Variants in CSMD1 observed in about 807,000 individuals in gnomAD.
The protein encoded by CSMD1 is CUB and Sushi multiple domains 1.
Under a neutral mutation model 417.5 loss-of-function variants are expected in CSMD1, and 213 were observed. That is an observed-to-expected ratio of 0.51 (90% CI 0.46 to 0.57). CSMD1 has a LOEUF of 0.57. Among genes scored for constraint, CSMD1 ranks in the 20% least tolerant of loss-of-function variants. CSMD1 has a pLI of 0.00. For synonymous variants in CSMD1, 2,862 were observed against 1,736.8 expected (o/e 1.65, Z -16.11); for missense variants, 6,923 against 4,529.7 (o/e 1.53, Z -15.17).
At chr8:3,254,920 G>C (rs993857590) in intron 26 of CSMD1, among the ~76,000 whole-genome samples, 3 of 152,168 alleles carry the variant, frequency 2.0e-5, no homozygotes, top group African/African-American at 7.2e-5. Context: ...GTGAGGAGCT[G>C]ATTTCCTTTG....
intron 6 of CSMD1, among the ~76,000 whole-genome samples, chr8:3,746,430 G>T (rs1265515393): frequency 6.6e-6 from 1 of 152,174 alleles, no homozygotes; most frequent in East Asian, 1.9e-4. Flanking sequence ...AAAGTTTAGA[G>T]AAAGGAAGGA....
In CSMD1 at chr8:3,151,473, G is replaced by T; in HGVS notation, c.5955C>A (p.Ile1985=). 6.2e-7 allele frequency: 1 copy of T among 1,613,746 alleles called. No homozygotes were observed. Among genetic ancestry groups the T allele is most frequent in the African/African-American group, 1.3e-5 (1 of 75,046 alleles). Residue 1985 remains isoleucine (I), a synonymous_variant, in exon 40 of 70, where the codon ATC becomes ATA. Transcript: ENST00000635120. ...GGTLSTLGGV[I]LSPGFPGSYP... Reference sequence around the variant, plus strand: ...AAGAACCTGGGAAGCCGGGGCTCAGGATCACACCACCCAAGGTGCTCAGCG... The same window carrying T: ...AAGAACCTGGGAAGCCGGGGCTCAGTATCACACCACCCAAGGTGCTCAGCG...
intron 1 of CSMD1, among the ~76,000 whole-genome samples, chr8:4,809,697 T>C (rs149068690): frequency 1.5e-4 from 23 of 152,370 alleles, no homozygotes; most frequent in Non-Finnish European, 2.5e-4. Context: ...GTTTGATATC[T>C]AGCCTAGCAT....
At chr8:4,797,942 A>G (rs1406195167) in intron 1 of CSMD1, among the ~76,000 whole-genome samples, 1 of 152,242 alleles carries the variant, frequency 6.6e-6, no homozygotes, top group Non-Finnish European at 1.5e-5. Flanking sequence ...ATGAAGACAT[A>G]CATATGTGCC....
At chr8:3,714,066 A>C (rs1219677409) in intron 6 of CSMD1, among the ~76,000 whole-genome samples, 2 of 150,140 alleles carry the variant, frequency 1.3e-5, no homozygotes, top group African/African-American at 2.4e-5. Flanking sequence ...ATAGATGTCC[A>C]CATACACACA....
intron 2 of CSMD1, among the ~76,000 whole-genome samples, chr8:4,583,956 T>C (rs953205136): frequency 6.6e-6 from 1 of 151,900 alleles, no homozygotes; most frequent in African/African-American, 2.4e-5. Flanking sequence ...AGTCTGCAGC[T>C]TCACTCCTGA....
In CSMD1 at chr8:3,401,341, GT is replaced by G. The variant is rs1421979219; in HGVS notation, c.2267-1813del. Among the ~76,000 whole-genome samples, 5 of 151,972 alleles carry G rather than the reference GT, an allele frequency of 3.3e-5. No individual in the cohort carries two copies. In the East Asian group the frequency reaches 9.7e-4, roughly 29 times the overall value. ...TAGTAATTTTATTTTGCATTTTTAT[GT>G]TTCTTGGAATATGTCTAACTTGCCA... On this transcript the variant is annotated intron_variant, in intron 15 of 69. Transcript: ENST00000635120.
At position 3,136,854 on chromosome 8, in the gene CSMD1, G is replaced by C. The variant is rs182038076; in HGVS notation, c.6241+5611C>G. ...CAACATTACCAAGACTGGACACATG[G>C]TATTTGTGCCAGTATCTGCAGTGAC... On this transcript the variant is annotated intron_variant, in intron 41 of 69. Coordinates refer to ENST00000635120, the MANE Select transcript of CSMD1 (RefSeq NM_033225.6). Among the ~76,000 whole-genome samples, 14 of 152,128 alleles carry C rather than the reference G, an allele frequency of 9.2e-5. No individual in the cohort carries two copies. The East Asian group carries it at 2.5e-3, about 27-fold the overall frequency.
chr8:3,284,062 G>A, intron 26 of CSMD1, 82 bp downstream of exon 26: 1 of 1,139,210 alleles, frequency 8.8e-7, no homozygotes, highest in South Asian at 1.3e-5. Context: ...AGGAGACGCT[G>A]GTGAATATAA....
intron 12 of CSMD1, among the ~76,000 whole-genome samples, chr8:3,459,664 G>A (rs1816376097): frequency 6.6e-6 from 1 of 152,142 alleles, no homozygotes. Flanking sequence ...TGGACTCAGA[G>A]AACCAGAGAG....
At chr8:4,300,315 C>G (rs1797910947) in intron 3 of CSMD1, among the ~76,000 whole-genome samples, 2 of 152,044 alleles carry the variant, frequency 1.3e-5, no homozygotes, top group Non-Finnish European at 2.9e-5. Context: ...GAGGGGACCT[C>G]AAAAAGTTTG....
intron 3 of CSMD1, among the ~76,000 whole-genome samples, chr8:4,193,672 A>G (rs758054138): frequency 4.6e-5 from 7 of 152,174 alleles, no homozygotes; most frequent in Non-Finnish European, 8.8e-5. Context: ...AACACGGCAA[A>G]CCACAGCTCA....
At chr8:4,083,894 G>C (rs1478276939) in intron 3 of CSMD1, among the ~76,000 whole-genome samples, 2 of 152,106 alleles carry the variant, frequency 1.3e-5, no homozygotes, top group Non-Finnish European at 2.9e-5. Flanking sequence ...TACCACCAGA[G>C]TGAACAGGCG....
intron 2 of CSMD1, among the ~76,000 whole-genome samples, chr8:4,614,762 ATAATT>A (rs1279914313): frequency 1.3e-5 from 2 of 152,202 alleles, no homozygotes; most frequent in African/African-American, 4.8e-5. Flanking sequence ...ACCTGAGATA[ATAATT>A]TAGACTACAA....
rs549925848 is a variant in CSMD1, at chr8:4,254,583, C to G, written c.415+165370G>C. Among the ~76,000 whole-genome samples the G allele has an allele frequency of 2.4e-3, 365 of 152,294 alleles. 2 individuals carry two copies. Among genetic ancestry groups the G allele is most frequent in the Non-Finnish European group, 4.1e-3 (281 of 68,036 alleles). ...CAGTCATGTCCTAAGCCTTCACATT[C>G]ACTCACCACTCACTTGCTGACTCAC... On this transcript the variant is annotated intron_variant, in intron 3 of 69. Coordinates refer to ENST00000635120, the MANE Select transcript of CSMD1 (RefSeq NM_033225.6).
intron 5 of CSMD1, among the ~76,000 whole-genome samples, chr8:3,887,777 T>C (rs896590891): frequency 1.3e-5 from 2 of 152,046 alleles, no homozygotes; most frequent in Admixed American, 6.6e-5. Context: ...ATGAACTGAG[T>C]GTGTGGTATC....
At chr8:4,930,026 G>A (rs1563794326) in intron 1 of CSMD1, among the ~76,000 whole-genome samples, 1 of 152,138 alleles carries the variant, frequency 6.6e-6, no homozygotes, top group Non-Finnish European at 1.5e-5. Context: ...AATGAAGAAA[G>A]GAACAGGGGT....
intron 5 of CSMD1, among the ~76,000 whole-genome samples, chr8:3,981,356 G>T (rs992058939): frequency 6.6e-6 from 1 of 152,082 alleles, no homozygotes; most frequent in Non-Finnish European, 1.5e-5. Context: ...AAGAGTGGAA[G>T]GGGGGTGAAG....
intron 5 of CSMD1, among the ~76,000 whole-genome samples, chr8:3,919,990 A>C (rs902973787): frequency 6.7e-6 from 1 of 150,354 alleles, no homozygotes; most frequent in African/African-American, 2.4e-5. Flanking sequence ...TGAATATACC[A>C]AATTTTTTTT....
Sources: gnomAD v4.1 joint callset for allele counts (sites outside exome capture counted in the v4.1 genomes callset) on GRCh38, gnomAD v4.1.1 for gene constraint, MANE v1.5 for transcripts, NCBI Gene and HGNC (gene_info 2026-07-23, HGNC 2026-07-21) for gene names.